Variants in SLC44A5 observed in about 807,000 individuals in gnomAD.
SLC44A5 encodes choline transporter-like protein 5.
A neutral mutation model predicts 101.8 loss-of-function variants in SLC44A5; 57 were observed. The ratio of observed to expected loss-of-function variants is 0.56; its 90% confidence interval spans 0.45 to 0.70. The LOEUF (loss-of-function observed/expected upper bound fraction) is 0.70. Ranked by LOEUF, SLC44A5 falls within the 30% of genes least tolerant of loss-of-function variation. SLC44A5 has a pLI of 0.00. For synonymous variants in SLC44A5, 281 were observed against 290.9 expected (o/e 0.97, Z 0.35); for missense variants, 737 against 853.1 (o/e 0.86, Z 1.70).
intron 2 of SLC44A5, among the ~76,000 whole-genome samples, chr1:75,436,338 T>G (rs1664889287): frequency 6.6e-6 from 1 of 152,154 alleles, no homozygotes; most frequent in Non-Finnish European, 1.5e-5. Context: ...CATGTCACAA[T>G]TATAATACTC....
At chr1:75,632,012 G>A in the SLC44A5 span, among the ~76,000 whole-genome samples, 3 of 152,068 alleles carry the variant, frequency 2.0e-5, no homozygotes, top group Non-Finnish European at 1.5e-5. Flanking sequence ...AGTCACTGAC[G>A]ACAAATCATA....
chr1:75,640,962 G>C, the SLC44A5 span, among the ~76,000 whole-genome samples: 1 of 152,040 alleles, frequency 6.6e-6, no homozygotes, highest in Non-Finnish European at 1.5e-5. Context: ...GCCAAGTGAA[G>C]ATGTGAGGAA....
At chr1:75,600,220 T>C in intron 1 of SLC44A5, among the ~76,000 whole-genome samples, 1 of 152,032 alleles carries the variant, frequency 6.6e-6, no homozygotes, top group Middle Eastern at 3.2e-3. Flanking sequence ...GAATATGGAG[T>C]CAAGGACTCT....
intron 3 of SLC44A5, among the ~76,000 whole-genome samples, chr1:75,358,414 T>C (rs1411541042): frequency 6.6e-6 from 1 of 152,216 alleles, no homozygotes; most frequent in South Asian, 2.1e-4. Context: ...TGCATTGCAT[T>C]ATTTTTTAAA....
intron 2 of SLC44A5, among the ~76,000 whole-genome samples, chr1:75,445,015 A>G (rs1281797414): frequency 2.0e-5 from 3 of 152,134 alleles, no homozygotes; most frequent in Admixed American, 1.3e-4. Flanking sequence ...GTAATGAGAC[A>G]TCCTCTCTCT....
intron 4 of SLC44A5, among the ~76,000 whole-genome samples, chr1:75,331,627 ACT>A (rs1657062585): frequency 6.6e-6 from 1 of 152,220 alleles, no homozygotes. Flanking sequence ...AGATTAGCTC[ACT>A]CTGTTACTAA....
intron 10 of SLC44A5, among the ~76,000 whole-genome samples, chr1:75,237,792 A>G (rs1406390351): frequency 1.3e-5 from 2 of 152,070 alleles, no homozygotes; most frequent in Non-Finnish European, 2.9e-5. Flanking sequence ...GCAAGCTGCT[A>G]TTGTATTCTA....
At chr1:75,402,486 C>A (rs1266815017) in intron 2 of SLC44A5, 1 of 371,850 alleles carries the variant, frequency 2.7e-6, no homozygotes, top group South Asian at 2.0e-5. Context: ...AACTGAGGTA[C>A]CCTGCTCATC....
intron 3 of SLC44A5, 35 bp downstream of exon 3, chr1:75,396,548 G>A: frequency 6.6e-7 from 1 of 1,523,830 alleles, no homozygotes; most frequent in Non-Finnish European, 9.1e-7. Context: ...TGTCATGAAA[G>A]ATTCTTAGCA....
At chr1:75,438,329 C>A (rs899460250) in intron 2 of SLC44A5, among the ~76,000 whole-genome samples, 1 of 152,014 alleles carries the variant, frequency 6.6e-6, no homozygotes, top group Non-Finnish European at 1.5e-5. Context: ...CCAGAAATGG[C>A]AAACTAGAGT....
intron 1 of SLC44A5, among the ~76,000 whole-genome samples, chr1:75,580,025 A>G (rs976115827): frequency 6.6e-6 from 1 of 152,322 alleles, no homozygotes; most frequent in Admixed American, 6.5e-5. Flanking sequence ...GGAAATTGTT[A>G]ACTATCCAGT....
At chr1:75,619,763 GC>G in the SLC44A5 span, among the ~76,000 whole-genome samples, 2 of 152,030 alleles carry the variant, frequency 1.3e-5, no homozygotes, top group Non-Finnish European at 2.9e-5. Context: ...GATTACCAAG[GC>G]CTTGGGTGCA....
At chr1:75,572,801 A>G (rs1557921053) in intron 1 of SLC44A5, among the ~76,000 whole-genome samples, 1 of 152,116 alleles carries the variant, frequency 6.6e-6, no homozygotes, top group Admixed American at 6.6e-5. Flanking sequence ...AAAGAGTAAT[A>G]TAAATAAATT....
the SLC44A5 span, among the ~76,000 whole-genome samples, chr1:75,678,483 C>T: frequency 6.6e-6 from 1 of 151,746 alleles, no homozygotes; most frequent in Middle Eastern, 3.2e-3. Context: ...AACTGGGAGG[C>T]ACCCTCCAGC....
chr1:75,326,455 C>A (rs1656607538), intron 4 of SLC44A5, among the ~76,000 whole-genome samples: 1 of 151,944 alleles, frequency 6.6e-6, no homozygotes, highest in Admixed American at 6.6e-5. Flanking sequence ...TAACAGCTCT[C>A]CAAGGTTGTA....
Position 75,537,034 on chromosome 1 carries a change from A to AAAAAAAAAAAAAAAG in SLC44A5, c.13+4400_13+4401insCTTTTTTTTTTTTTT, listed in dbSNP as rs1553199990. On this transcript the variant is annotated intron_variant, in intron 2 of 23. Coordinates refer to ENST00000370859, the MANE Select transcript of SLC44A5 (RefSeq NM_001130058.2). ...AAAAAAAAAAAAAAAAAAAAAAAAAATATATATCTATGCCAAATGATTCTG... is the reference window on the plus strand; with the variant it reads ...AAAAAAAAAAAAAAAAAAAAAAAAAAAAAAAAAAAAAAAAGTATATATCTATGCCAAATGATTCTG... Among the ~76,000 whole-genome samples, 45 of 18,652 alleles carry AAAAAAAAAAAAAAAG rather than the reference A, an allele frequency of 2.4e-3. 3 individuals are homozygous for AAAAAAAAAAAAAAAG. Among genetic ancestry groups the AAAAAAAAAAAAAAAG allele is most frequent in the South Asian group, 6.9e-3 (2 of 290 alleles). The allele number at this position is 18,652 out of a possible 152,430, so 12.2% of individuals were successfully genotyped here.
Position 75,316,817 on chromosome 1 carries a change from G to A in SLC44A5, c.102-16132C>T, listed in dbSNP as rs565124300. ...TGTTCTTACCAGATGGATTTAATAT[G>A]GCTATGAAAGAAATGCTTATTCACT... On this transcript the variant is annotated intron_variant, in intron 4 of 23. Coordinates refer to ENST00000370859, the MANE Select transcript of SLC44A5 (RefSeq NM_001130058.2). 4.6e-5 allele frequency among the ~76,000 whole-genome samples: 7 copies of A among 152,196 alleles called. No homozygotes were observed. The South Asian group carries it at 1.5e-3, about 32-fold the overall frequency.
the SLC44A5 span, among the ~76,000 whole-genome samples, chr1:75,697,619 T>C: frequency 6.6e-6 from 1 of 152,112 alleles, no homozygotes; most frequent in Admixed American, 6.6e-5. Context: ...AAACTGTCTC[T>C]ACAAAAAATA....
chr1:75,557,964 C>T (rs562904063), intron 1 of SLC44A5, among the ~76,000 whole-genome samples: 29 of 152,136 alleles, frequency 1.9e-4, no homozygotes, highest in African/African-American at 5.5e-4. Context: ...CAAAAACATA[C>T]GGAGAAATCC....
Sources: gnomAD v4.1 joint callset for allele counts (sites outside exome capture counted in the v4.1 genomes callset) on GRCh38, gnomAD v4.1.1 for gene constraint, MANE v1.5 for transcripts, NCBI Gene and HGNC (gene_info 2026-07-23, HGNC 2026-07-21) for gene names.